The following SLC14A2 variants were observed in gnomAD, a reference collection of about 807,000 sequenced individuals.
The protein encoded by SLC14A2 is urea transporter 2.
Under a neutral mutation model 104.6 loss-of-function variants are expected in SLC14A2, and 91 were observed. The observed-to-expected ratio is 0.87, with a 90% CI of 0.73 to 1.04. The LOEUF (loss-of-function observed/expected upper bound fraction) is 1.04, where lower values mean the gene tolerates loss of function less well. Ranked by LOEUF, SLC14A2 falls within the 50% of genes least tolerant of loss-of-function variation. The pLI, the probability that SLC14A2 is intolerant of heterozygous loss-of-function variation, is 0.00. For synonymous variants in SLC14A2, 476 were observed against 466.4 expected, an observed-to-expected ratio of 1.02 and a Z score of -0.27; for missense variants, 1,189 against 1,156.0, an observed-to-expected ratio of 1.03 and a Z score of -0.41.
the SLC14A2 span, among the ~76,000 whole-genome samples, chr18:45,178,168 C>T: frequency 6.6e-6 from 1 of 152,064 alleles, no homozygotes; most frequent in Non-Finnish European, 1.5e-5. Flanking sequence ...TCCATAAACA[C>T]ATAAAACACT....
intron 1 of SLC14A2, among the ~76,000 whole-genome samples, chr18:45,244,796 A>C (rs1341471255): frequency 6.6e-6 from 1 of 152,226 alleles, no homozygotes; most frequent in East Asian, 1.9e-4. Flanking sequence ...AGAGGCAGAA[A>C]AAATAAGAAA....
intron 1 of SLC14A2, among the ~76,000 whole-genome samples, chr18:45,227,667 T>C (rs2084133119): frequency 6.6e-6 from 1 of 152,216 alleles, no homozygotes; most frequent in African/African-American, 2.4e-5. Context: ...ATTGAAACTG[T>C]GGCAGATGAC....
At chr18:45,379,460 C>A (rs2085810000) in intron 1 of SLC14A2, among the ~76,000 whole-genome samples, 1 of 152,188 alleles carries the variant, frequency 6.6e-6, no homozygotes, top group South Asian at 2.1e-4. Flanking sequence ...CCTCTCCCCA[C>A]CCCCATTCCC....
At chr18:45,515,060 T>G (rs1390465335) in intron 2 of SLC14A2, among the ~76,000 whole-genome samples, 1 of 152,194 alleles carries the variant, frequency 6.6e-6, no homozygotes, top group African/African-American at 2.4e-5. Context: ...GAGGAGAACA[T>G]GCTGACTGAG....
At chr18:45,339,608 T>C (rs2085373023) in intron 1 of SLC14A2, among the ~76,000 whole-genome samples, 1 of 152,194 alleles carries the variant, frequency 6.6e-6, no homozygotes, top group Non-Finnish European at 1.5e-5. Flanking sequence ...ATCTGCATTT[T>C]GAAGTAAATC....
intron 1 of SLC14A2, among the ~76,000 whole-genome samples, chr18:45,232,232 C>A (rs10460031): frequency 0.075 from 11,433 of 152,064 alleles, 462 homozygotes; most frequent in Admixed American, 0.12. Context: ...AGGAAACTTA[C>A]AATTATGGTG....
At chr18:45,490,004 G>C (rs768069258) in intron 2 of SLC14A2, 12 of 152,156 alleles carry the variant, frequency 7.9e-5, no homozygotes, top group African/African-American at 2.9e-4. Context: ...ACGGGCATTT[G>C]GTGGCAGATT....
chr18:45,392,843 G>A (rs1261997236), intron 1 of SLC14A2, among the ~76,000 whole-genome samples: 2 of 152,146 alleles, frequency 1.3e-5, no homozygotes. Flanking sequence ...TGAAGATAAA[G>A]CATGAAAAGG....
intron 1 of SLC14A2, among the ~76,000 whole-genome samples, chr18:45,457,924 G>A (rs1009262129): frequency 1.3e-5 from 2 of 152,220 alleles, no homozygotes; most frequent in Non-Finnish European, 2.9e-5. Flanking sequence ...GTCCTATGGG[G>A]AGACGAGTGT....
At chr18:45,519,853 T>C (rs1275641788) in intron 2 of SLC14A2, among the ~76,000 whole-genome samples, 3 of 152,002 alleles carry the variant, frequency 2.0e-5, no homozygotes, top group African/African-American at 7.3e-5. Flanking sequence ...TAAGGGGAGG[T>C]CTCTGAAGGA....
chr18:45,644,454 T>C (rs1184565847), intron 10 of SLC14A2: 5 of 288,368 alleles, frequency 1.7e-5, no homozygotes, highest in Non-Finnish European at 3.2e-5. Flanking sequence ...ACAAAAACAG[T>C]AGTCTTTTGG....
the SLC14A2 span, among the ~76,000 whole-genome samples, chr18:45,173,333 A>T: frequency 4.7e-4 from 71 of 152,284 alleles, 1 homozygote; most frequent in South Asian, 7.9e-3. Flanking sequence ...ATGAGACATC[A>T]TATAGGATGC....
intron 2 of SLC14A2, among the ~76,000 whole-genome samples, chr18:45,578,546 A>G (rs1007918827): frequency 1.3e-5 from 2 of 152,232 alleles, no homozygotes; most frequent in South Asian, 4.1e-4. Context: ...TAAGAAAGGT[A>G]CAGGGTTCTA....
At chr18:45,279,540 G>T (rs76101223) in intron 1 of SLC14A2, among the ~76,000 whole-genome samples, 2,298 of 152,172 alleles carry the variant, frequency 0.015, 86 homozygotes, top group East Asian at 0.091. Context: ...GGGTTTTGTT[G>T]GGGGGTGGGG....
intron 6 of SLC14A2, among the ~76,000 whole-genome samples, chr18:45,637,442 A>G (rs766492222): frequency 1.3e-5 from 2 of 152,240 alleles, no homozygotes; most frequent in Non-Finnish European, 2.9e-5. Context: ...TAGGAAGCCT[A>G]CATTCTATAC....
At position 45,496,624 on chromosome 18, in the gene SLC14A2, C is replaced by G. The variant is rs114875119; in HGVS notation, c.-35+13302C>G. Reference sequence around the variant, plus strand: ...CTAGCAAAAATACAAAACCCCATCTCTAGCAAAAATTAGCCAGGCATGGTG... The same window carrying G: ...CTAGCAAAAATACAAAACCCCATCTGTAGCAAAAATTAGCCAGGCATGGTG... On this transcript the variant is annotated intron_variant, in intron 2 of 20. Transcript: ENST00000586448. 4.4e-3 allele frequency among the ~76,000 whole-genome samples: 677 copies of G among 152,246 alleles called. 3 individuals carry two copies. Among genetic ancestry groups the G allele is most frequent in the African/African-American group, 0.016 (655 of 41,564 alleles).
At chr18:45,261,201 C>T (rs575896040) in intron 1 of SLC14A2, among the ~76,000 whole-genome samples, 11 of 151,346 alleles carry the variant, frequency 7.3e-5, no homozygotes, top group South Asian at 2.1e-4. Context: ...GTGTGATGTT[C>T]GCCTTCCTGT....
chr18:45,288,714 C>T (rs2144160541), intron 1 of SLC14A2, among the ~76,000 whole-genome samples: 1 of 152,314 alleles, frequency 6.6e-6, no homozygotes, highest in East Asian at 1.9e-4. Context: ...GATAATTCTT[C>T]AGTGACTGAC....
intron 1 of SLC14A2, among the ~76,000 whole-genome samples, chr18:45,380,430 G>A (rs1779004166): frequency 2.6e-5 from 4 of 152,288 alleles, no homozygotes; most frequent in African/African-American, 9.6e-5. Flanking sequence ...GGCCCTGGAT[G>A]GGTGATATGG....
Sources: gnomAD v4.1 joint callset for allele counts (sites outside exome capture counted in the v4.1 genomes callset) on GRCh38, gnomAD v4.1.1 for gene constraint, MANE v1.5 for transcripts, NCBI Gene and HGNC (gene_info 2026-07-23, HGNC 2026-07-21) for gene names.